NUDT17: variants seen among roughly 807,000 people sequenced by gnomAD.
NUDT17 encodes m7GpppN-mRNA hydrolase NUDT17.
Under a neutral mutation model 38.6 loss-of-function variants are expected in NUDT17, and 38 were observed. The observed-to-expected ratio is 0.98, with a 90% CI of 0.76 to 1.29. The LOEUF is 1.29. NUDT17 is among the 50% of genes most tolerant of loss of function. NUDT17 has a pLI of 0.00. For synonymous variants in NUDT17, 192 were observed against 167.8 expected, an observed-to-expected ratio of 1.14 and a Z score of -1.11; for missense variants, 462 against 415.2, an observed-to-expected ratio of 1.11 and a Z score of -0.98.
chr1:145,848,661 C>T lies in NUDT17; in HGVS notation c.*182C>T. The T allele has an allele frequency of 1.2e-5, 7 of 586,304 alleles. No individual in the cohort carries two copies. The highest frequency in any genetic ancestry group is 2.1e-5 in the Non-Finnish European group (7 of 331,276). The allele number at this position is 586,304 out of a possible 1,614,324, so 36.3% of individuals were successfully genotyped here. ...GAGGGCACAGGGTCCTTCCACCTCC[C>T]TGGAAAGGTGCAGAATGAGCCAGGC... On this transcript the variant is annotated 3_prime_UTR_variant, in exon 8 of 8. Transcript: ENST00000334513.
In NUDT17 at chr1:145,845,818, AG is replaced by A; in HGVS notation, c.180del (p.Arg60SerfsTer49). On this transcript the variant is annotated frameshift_variant, in exon 1 of 8. Transcript: ENST00000334513. LOFTEE classifies it high-confidence loss of function. ...SSRPFPGASA[R>X]LPLQRPPFCP... ...CAGGCCCTTCCCAGGCGCCTCCGCTAGGCTTCCGCTCCAGGTCGGCAGAAGG... is the reference window on the plus strand; with the variant it reads ...CAGGCCCTTCCCAGGCGCCTCCGCTAGCTTCCGCTCCAGGTCGGCAGAAGG... 6.3e-7 allele frequency: 1 copy of A among 1,596,436 alleles called. No individual in the cohort carries two copies.
intron 4 of NUDT17, 93 bp from the exon 5 acceptor site, chr1:145,847,157 G>A: frequency 1.4e-6 from 1 of 722,836 alleles, no homozygotes; most frequent in Admixed American, 2.4e-5. Flanking sequence ...TCACGCCATT[G>A]CATGCCAGCC....
chr1:145,845,879 TG>T, intron 1 of NUDT17, 47 bp downstream of exon 1: 2 of 1,542,778 alleles, frequency 1.3e-6, no homozygotes, highest in Middle Eastern at 1.7e-4. Context: ...GGGCCAAAGA[TG>T]GGGACTGAAA....
In NUDT17 at chr1:145,847,734, C is replaced by A; in HGVS notation, c.731+15C>A. The A allele has an allele frequency of 6.2e-7, 1 of 1,613,454 alleles. No individual in the cohort carries two copies. Among genetic ancestry groups the A allele is most frequent in the Non-Finnish European group, 8.5e-7 (1 of 1,179,364 alleles). ...CCCTCTGTCCTGTAAGTAAGAGCTTCTCCCTCAGCCTCTAATACACCAACA... is the reference window on the plus strand; with the variant it reads ...CCCTCTGTCCTGTAAGTAAGAGCTTATCCCTCAGCCTCTAATACACCAACA... On this transcript the variant is annotated intron_variant, in intron 6 of 7. Coordinates refer to ENST00000334513, the MANE Select transcript of NUDT17 (RefSeq NM_001012758.3).
At position 145,846,044 on chromosome 1, in the gene NUDT17, AG is replaced by A. The variant is rs1244368721; in HGVS notation, c.226del (p.Glu76SerfsTer33). 1 of 1,604,740 alleles carries A rather than the reference AG, an allele frequency of 6.2e-7. No homozygotes were observed. Among genetic ancestry groups the A allele is most frequent in the Non-Finnish European group, 8.5e-7 (1 of 1,176,540 alleles). ...RPPFCPFAAL[E>X]ERPRVPGAEL... ...CCTTTCTGCCCTTTTGCGGCCCTGG[AG>A]GAGCGGCCCAGGGTCCCTGGGGCTG... On this transcript the variant is annotated frameshift_variant, in exon 2 of 8. Transcript: ENST00000334513. LOFTEE classifies it high-confidence loss of function.
In NUDT17 at chr1:145,845,704, AGT is replaced by A. The variant is rs1169234130; in HGVS notation, c.72_73del (p.Cys24TrpfsTer36). 13 of 1,551,572 alleles carry A rather than the reference AGT, an allele frequency of 8.4e-6. No homozygotes were observed. Among genetic ancestry groups the A allele is most frequent in the Non-Finnish European group, 1.1e-5 (13 of 1,147,372 alleles). ...RRPESVSFAR[S>X]VCGLLGAGPG... ...TCCGGAGTCGGTGAGCTTCGCACGG[AGT>A]GTGTGTGGCCTCCTGGGAGCCGGAC... On this transcript the variant is annotated frameshift_variant, in exon 1 of 8. Transcript: ENST00000334513. LOFTEE classifies it high-confidence loss of function.
intron 1 of NUDT17, 89 bp from the exon 2 acceptor site, chr1:145,845,924 C>G: frequency 6.6e-7 from 1 of 1,524,576 alleles, no homozygotes; most frequent in Non-Finnish European, 8.9e-7. Context: ...ACCCCGCCCC[C>G]AACGCGCGGT....
Position 145,848,939 on chromosome 1 carries a change from C to G in NUDT17, c.*460C>G, listed in dbSNP as rs1170756968. On this transcript the variant is annotated 3_prime_UTR_variant, in exon 8 of 8. Coordinates refer to ENST00000334513, the MANE Select transcript of NUDT17 (RefSeq NM_001012758.3). ...CATCCACAATCCAAAATAAAGTTCT[C>G]TGTCCATCTCTGAAACTGCCTGTCT... 1 of 160,782 alleles carries G rather than the reference C, an allele frequency of 6.2e-6. No individual in the cohort carries two copies. The highest frequency in any genetic ancestry group is 1.8e-4 in the East Asian group (1 of 5,478). The allele number at this position is 160,782 out of a possible 1,614,324, so 10.0% of individuals were successfully genotyped here. A position where few individuals can be genotyped will look rare whatever the true frequency, so the allele number is the denominator to read the frequency against.
rs782608945 is a variant in NUDT17, at chr1:145,846,101, G to C, written c.281G>C (p.Gly94Ala). ...ELPTDRGVDL[G>A]VAVILQSSDK... ...CCCACAGATCGAGGTGTGGACCTGG[G>C]TGTGGCCGTCATTCTGCAGTCCAGC... Residue 94 changes from glycine to alanine, a missense_variant, in exon 2 of 8, where the codon GGT becomes GCT. Coordinates refer to ENST00000334513, the MANE Select transcript of NUDT17 (RefSeq NM_001012758.3). 61 of 1,603,468 alleles carry C rather than the reference G, an allele frequency of 3.8e-5. No individual in the cohort carries two copies. Among genetic ancestry groups the C allele is most frequent in the Non-Finnish European group, 2.6e-6 (3 of 1,175,670 alleles).
In NUDT17 at chr1:145,845,849, C is replaced by T. The variant is rs781814961; in HGVS notation, c.192+17C>T. 1.9e-6 allele frequency: 3 copies of T among 1,574,390 alleles called. No individual in the cohort carries two copies. The highest frequency in any genetic ancestry group is 2.3e-5 in the South Asian group (2 of 86,090). ...CCGCTCCAGGTCGGCAGAAGGGGGC[C>T]CCAGAGCGGGGGCAGTGAAGGGCCA... On this transcript the variant is annotated intron_variant, in intron 1 of 7. Coordinates refer to ENST00000334513, the MANE Select transcript of NUDT17 (RefSeq NM_001012758.3).
At chr1:145,847,949 A>G (rs868989608) in intron 6 of NUDT17, among the ~76,000 whole-genome samples, 163 bp from the exon 7 acceptor site, 2 of 152,222 alleles carry the variant, frequency 1.3e-5, no homozygotes. Flanking sequence ...GTTCTAACAC[A>G]GGGGCAAGTC....
Position 145,848,712 on chromosome 1 carries a change from G to A in NUDT17, c.*233G>A, listed in dbSNP as rs1050050. ...CTAACTACAGGGCCATGAGCCTCTA[G>A]AAGCTTAGGGGGGAATAAGAAACAC... is the stretch of plus-strand genomic sequence containing the variant. On this transcript the variant is annotated 3_prime_UTR_variant, in exon 8 of 8. Transcript: ENST00000334513. 1.4e-5 allele frequency: 7 copies of A among 491,842 alleles called. No homozygotes were observed. The East Asian group carries it at 2.4e-4, about 17-fold the overall frequency. The allele number at this position is 491,842 out of a possible 1,614,324, so 30.5% of individuals were successfully genotyped here.
At chr1:145,846,332 TC>T in intron 2 of NUDT17, 100 bp from the exon 3 acceptor site, 1 of 1,479,434 alleles carries the variant, frequency 6.8e-7, no homozygotes, top group Non-Finnish European at 9.4e-7. Flanking sequence ...GGACTGCAAC[TC>T]CCTCTGTGTC....
Position 145,848,581 on chromosome 1 carries a change from A to C in NUDT17, c.*102A>C. On this transcript the variant is annotated 3_prime_UTR_variant, in exon 8 of 8. Transcript: ENST00000334513. Reference sequence around the variant, plus strand: ...CACTACAACTTTAGAAATAAAAAGTAAAATTACAACATAGGTCCTAGGCCT... The same window carrying C: ...CACTACAACTTTAGAAATAAAAAGTCAAATTACAACATAGGTCCTAGGCCT... 1.1e-6 allele frequency: 1 copy of C among 884,468 alleles called. No individual in the cohort carries two copies. The highest frequency in any genetic ancestry group is 1.8e-6 in the Non-Finnish European group (1 of 557,538). The allele number at this position is 884,468 out of a possible 1,614,324, so 54.8% of individuals were successfully genotyped here.
chr1:145,845,987 T>C (rs1428599825), intron 1 of NUDT17, 26 bp from the exon 2 acceptor site: 2 of 1,581,784 alleles, frequency 1.3e-6, no homozygotes, highest in East Asian at 2.3e-5. Context: ...TCTGAAGCCT[T>C]AACCCAGCTG....
Position 145,848,327 on chromosome 1 carries a change from G to A in NUDT17, c.885-50G>A, listed in dbSNP as rs118122498. ...GGGCTGGAATGGTCTAGTTTTTACA[G>A]GCACGGGGGAAAGCAGGAAAGGACA... On this transcript the variant is annotated intron_variant, in intron 7 of 7. Transcript: ENST00000334513. 3.0e-3 allele frequency: 4,916 copies of A among 1,612,620 alleles called. 237 individuals carry two copies. In the East Asian group the frequency reaches 0.096, roughly 32 times the overall value.
Position 145,848,625 on chromosome 1 carries a change from A to T in NUDT17, c.*146A>T. Reference sequence around the variant, plus strand: ...TAGGCCTTGGCGAGCCTGAAAAAGAAGATTGGGAAGGAGGGCACAGGGTCC... The same window carrying T: ...TAGGCCTTGGCGAGCCTGAAAAAGATGATTGGGAAGGAGGGCACAGGGTCC... On this transcript the variant is annotated 3_prime_UTR_variant, in exon 8 of 8. Coordinates refer to ENST00000334513, the MANE Select transcript of NUDT17 (RefSeq NM_001012758.3). 2 of 647,236 alleles carry T rather than the reference A, an allele frequency of 3.1e-6. No homozygotes were observed. The highest frequency in any genetic ancestry group is 2.7e-5 in the East Asian group (1 of 36,938). The allele number at this position is 647,236 out of a possible 1,614,324, so 40.1% of individuals were successfully genotyped here.
intron 6 of NUDT17, 26 bp from the exon 7 acceptor site, chr1:145,848,086 C>T (rs782435004): frequency 6.2e-7 from 1 of 1,612,314 alleles, no homozygotes; most frequent in Admixed American, 1.7e-5. Context: ...CAAGGCACAG[C>T]CCCAACAGGA....
intron 4 of NUDT17, 116 bp downstream of exon 4, chr1:145,846,806 A>G: frequency 2.6e-6 from 2 of 770,020 alleles, no homozygotes; most frequent in Non-Finnish European, 4.7e-6. Flanking sequence ...ACCCTCACCC[A>G]TGTCCCTGCT....
Sources: allele counts gnomAD v4.1 joint callset (sites outside exome capture counted in the v4.1 genomes callset), GRCh38; gene constraint gnomAD v4.1.1; transcripts MANE v1.5; gene names NCBI Gene and HGNC (gene_info 2026-07-23, HGNC 2026-07-21).